Variants in NPSR1 observed in about 807,000 individuals in gnomAD.
NPSR1 encodes the protein neuropeptide S receptor.
A neutral mutation model predicts 46.9 loss-of-function variants in NPSR1; 48 were observed. That is an observed-to-expected ratio of 1.02 (90% confidence interval 0.81 to 1.30). The LOEUF is 1.30. NPSR1 is among the 50% of genes most tolerant of loss of function. NPSR1 has a pLI of 0.00. For synonymous variants in NPSR1, 176 were observed against 168.1 expected (o/e 1.05, Z -0.36); for missense variants, 450 against 449.5 (o/e 1.00, Z -0.01).
rs187354789 is a variant in NPSR1 at position 34,668,907 on chromosome 7, T to C, written c.147+10348T>C. 2.1e-3 allele frequency among the ~76,000 whole-genome samples: 326 copies of C among 152,276 alleles called. 2 individuals carry two copies. Among genetic ancestry groups the C allele is most frequent in the African/African-American group, 7.2e-3 (301 of 41,554 alleles). Reference sequence around the variant, plus strand: ...GAGCAGAGAAATGTAATCCTCCTGCTCGGAAAGGCAGGGAATCTTGGTGCT... The same window carrying C: ...GAGCAGAGAAATGTAATCCTCCTGCCCGGAAAGGCAGGGAATCTTGGTGCT... On this transcript the variant is annotated intron_variant, in intron 1 of 8. Coordinates refer to ENST00000360581, the MANE Select transcript of NPSR1 (RefSeq NM_207172.2).
In NPSR1 at chr7:34,792,573, G is replaced by A. The variant is rs766771319; in HGVS notation, c.384+14008G>A. Among the ~76,000 whole-genome samples, 8 of 74,250 alleles carry A rather than the reference G, an allele frequency of 1.1e-4. 1 individual carries two copies. The highest frequency in any genetic ancestry group is 2.4e-4 in the Admixed American group (2 of 8,232). 48.7% of individuals were successfully genotyped at this position (74,250 alleles called of 152,430 possible). ...CATATATATGTACATATATATATAT[G>A]TGTGTGTGTATATATATACGTATAT... On this transcript the variant is annotated intron_variant, in intron 3 of 8. Transcript: ENST00000360581.
chr7:34,704,354 CAA>C, intron 2 of NPSR1, among the ~76,000 whole-genome samples: 1 of 151,700 alleles, frequency 6.6e-6, no homozygotes. Context: ...CTCTTTCACC[CAA>C]AAAAACTAAT....
intron 2 of NPSR1, among the ~76,000 whole-genome samples, chr7:34,747,412 T>C (rs1190777744): frequency 2.6e-5 from 4 of 152,166 alleles, no homozygotes; most frequent in Non-Finnish European, 5.9e-5. Context: ...TGCAGCCTGG[T>C]GCAGGGATCA....
At chr7:34,682,183 A>T (rs2128682426) in intron 1 of NPSR1, among the ~76,000 whole-genome samples, 1 of 152,224 alleles carries the variant, frequency 6.6e-6, no homozygotes, top group East Asian at 1.9e-4. Flanking sequence ...AACAAGGAAT[A>T]GGGAAGAAAG....
At chr7:34,872,955 A>G (rs1224179771) in intron 8 of NPSR1, among the ~76,000 whole-genome samples, 2 of 150,368 alleles carry the variant, frequency 1.3e-5, no homozygotes, top group Non-Finnish European at 3.0e-5. Context: ...TTGCTTGCAC[A>G]TATAAACACT....
At chr7:34,766,963 TAAA>T in intron 2 of NPSR1, among the ~76,000 whole-genome samples, 1 of 152,262 alleles carries the variant, frequency 6.6e-6, no homozygotes, top group African/African-American at 2.4e-5. Context: ...ACTATAATGA[TAAA>T]GAACACATTA....
At chr7:34,773,460 C>A (rs1481675697) in intron 2 of NPSR1, among the ~76,000 whole-genome samples, 2 of 152,124 alleles carry the variant, frequency 1.3e-5, no homozygotes, top group Non-Finnish European at 2.9e-5. Flanking sequence ...CCCCAGATAA[C>A]AGTTAGCTGT....
intron 2 of NPSR1, among the ~76,000 whole-genome samples, chr7:34,776,127 T>A (rs1195487172): frequency 6.6e-6 from 1 of 152,122 alleles, no homozygotes; most frequent in East Asian, 1.9e-4. Flanking sequence ...TGTTTTAATG[T>A]TTTCAGGCTT....
At chr7:34,687,296 G>A (rs1300522533) in intron 2 of NPSR1, among the ~76,000 whole-genome samples, 4 of 151,942 alleles carry the variant, frequency 2.6e-5, no homozygotes, top group African/African-American at 9.7e-5. Context: ...ATTCTAAATT[G>A]TATAAAACCA....
In NPSR1 at chr7:34,807,898, C is replaced by T. The variant is rs560864337; in HGVS notation, c.385-3872C>T. 4.6e-5 allele frequency among the ~76,000 whole-genome samples: 7 copies of T among 151,976 alleles called. No homozygotes were observed. The South Asian group carries it at 1.5e-3, about 32-fold the overall frequency. On this transcript the variant is annotated intron_variant, in intron 3 of 8. Transcript: ENST00000360581. ...AAAGCTCCCCGCCCCTACCCCCCAC[C>T]ACCACCACCACCACAAAATCCGTAT...
intron 2 of NPSR1, chr7:34,710,640 G>A (rs1379919846): frequency 1.7e-5 from 3 of 174,946 alleles, no homozygotes; most frequent in Non-Finnish European, 3.6e-5. Context: ...TCCTTGGCTA[G>A]AGAACAAAGA....
intron 3 of NPSR1, among the ~76,000 whole-genome samples, chr7:34,808,940 T>C (rs927800153): frequency 6.6e-6 from 1 of 152,226 alleles, no homozygotes; most frequent in Non-Finnish European, 1.5e-5. Flanking sequence ...TTTGATTGTA[T>C]CTCAAAGTCA....
At chr7:34,849,999 G>A, downstream of NPSR1, 3 of 1,044,302 alleles carry the variant, frequency 2.9e-6, no homozygotes, top group Non-Finnish European at 3.5e-6. Flanking sequence ...AGGGGACAAA[G>A]GTAGCTGGGT....
At chr7:34,867,726 A>G (rs1477093652) in intron 8 of NPSR1, among the ~76,000 whole-genome samples, 2 of 151,640 alleles carry the variant, frequency 1.3e-5, no homozygotes, top group Non-Finnish European at 2.9e-5. Context: ...TTAAGAAGCA[A>G]TCTCTCTTAA....
At chr7:34,796,835 A>G (rs1369311207) in intron 3 of NPSR1, among the ~76,000 whole-genome samples, 3 of 152,216 alleles carry the variant, frequency 2.0e-5, no homozygotes, top group African/African-American at 4.8e-5. Context: ...TATTTACCCA[A>G]ATAAGTTGAA....
chr7:34,850,046 A>T (rs1373907514), downstream of NPSR1: 2 of 952,164 alleles, frequency 2.1e-6, no homozygotes, highest in South Asian at 9.6e-5. Flanking sequence ...GAAGAAAATA[A>T]AAGACTTAAT....
chr7:34,717,772 T>C (rs1286239629), intron 2 of NPSR1, among the ~76,000 whole-genome samples: 3 of 152,178 alleles, frequency 2.0e-5, no homozygotes, highest in African/African-American at 7.2e-5. Context: ...CAGTGAACAA[T>C]AGCTAATCAG....
intron 3 of NPSR1, among the ~76,000 whole-genome samples, chr7:34,802,407 C>A (rs901412675): frequency 6.7e-6 from 1 of 149,728 alleles, no homozygotes; most frequent in Non-Finnish European, 1.5e-5. Flanking sequence ...TCAGAAATAA[C>A]GCCGCATATC....
chr7:34,798,989 A>C (rs915385936), intron 3 of NPSR1, among the ~76,000 whole-genome samples: 1 of 152,156 alleles, frequency 6.6e-6, no homozygotes, highest in African/African-American at 2.4e-5. Context: ...CACTGAATGG[A>C]TATATTAGAA....
Sources: allele counts gnomAD v4.1 joint callset (sites outside exome capture counted in the v4.1 genomes callset), GRCh38; gene constraint gnomAD v4.1.1; transcripts MANE v1.5; gene names NCBI Gene and HGNC (gene_info 2026-07-23, HGNC 2026-07-21).